The following LSAMP variants were observed in gnomAD, a reference collection of about 807,000 sequenced individuals.
The protein encoded by LSAMP is limbic system associated membrane protein, also known as limbic system-associated membrane protein.
Under a neutral mutation model 38.6 loss-of-function variants are expected in LSAMP, and 7 were observed. That is an observed-to-expected ratio of 0.18 (90% CI 0.10 to 0.34). LSAMP has a LOEUF of 0.34. Ranked by LOEUF, LSAMP falls within the 10% of genes least tolerant of loss-of-function variation. LSAMP has a pLI of 1.00. For synonymous variants in LSAMP, 154 were observed against 166.8 expected (o/e 0.92, Z 0.59); for missense variants, 313 against 420.0 (o/e 0.75, Z 2.23).
intron 1 of LSAMP, among the ~76,000 whole-genome samples, chr3:116,156,905 A>G (rs1054383269): frequency 6.6e-6 from 1 of 152,140 alleles, no homozygotes; most frequent in Admixed American, 6.6e-5. Flanking sequence ...TAGATGCTTA[A>G]TGAGCAGCAC....
At chr3:116,018,760 C>T (rs1327360577) in intron 3 of LSAMP, among the ~76,000 whole-genome samples, 2 of 151,932 alleles carry the variant, frequency 1.3e-5, no homozygotes, top group Non-Finnish European at 2.9e-5. Context: ...AAGCAGGAGG[C>T]CTGGGAACCT....
At chr3:115,985,829 T>C (rs1939495122) in intron 3 of LSAMP, among the ~76,000 whole-genome samples, 1 of 152,190 alleles carries the variant, frequency 6.6e-6, no homozygotes, top group South Asian at 2.1e-4. Flanking sequence ...TCGCAGACTG[T>C]AGCCACAGCT....
At chr3:115,858,340 T>C (rs887472554) in intron 3 of LSAMP, among the ~76,000 whole-genome samples, 1 of 152,078 alleles carries the variant, frequency 6.6e-6, no homozygotes, top group Non-Finnish European at 1.5e-5. Context: ...GAATTAAAAA[T>C]TTTTTTACAG....
intron 1 of LSAMP, among the ~76,000 whole-genome samples, chr3:116,248,312 G>C (rs1559798572): frequency 1.3e-5 from 2 of 152,074 alleles, no homozygotes; most frequent in Non-Finnish European, 2.9e-5. Context: ...AGGAGAAAGG[G>C]AATTTTAGGT....
rs186525512 is a variant in LSAMP at position 116,010,007 on chromosome 3, C to T, written c.514+9508G>A. On this transcript the variant is annotated intron_variant, in intron 3 of 6. Transcript: ENST00000490035. ...TCTTGGCTCACTGGAACCTCCACCT[C>T]CCAGGTTTAAGCAATTTTCTTGCCT... 3.5e-4 allele frequency among the ~76,000 whole-genome samples: 54 copies of T among 152,272 alleles called. No individual in the cohort carries two copies. In the South Asian group the frequency reaches 4.8e-3, roughly 13 times the overall value.
chr3:116,259,152 G>A (rs1456000218), intron 1 of LSAMP, among the ~76,000 whole-genome samples: 1 of 152,128 alleles, frequency 6.6e-6, no homozygotes, highest in African/African-American at 2.4e-5. Flanking sequence ...TGGCTCTGCA[G>A]TCAGCTGTTA....
chr3:116,168,341 AAAG>A (rs1319231935), intron 1 of LSAMP, among the ~76,000 whole-genome samples: 1 of 152,212 alleles, frequency 6.6e-6, no homozygotes, highest in Non-Finnish European at 1.5e-5. Context: ...CCTGAGAATC[AAAG>A]AACATTCATT....
intron 6 of LSAMP, among the ~76,000 whole-genome samples, chr3:115,820,354 A>G (rs1934191300): frequency 6.6e-6 from 1 of 152,316 alleles, no homozygotes; most frequent in Non-Finnish European, 1.5e-5. Flanking sequence ...TATAATAGAG[A>G]AAGGTAAATC....
At chr3:116,346,062 A>C (rs2048059186) in intron 1 of LSAMP, among the ~76,000 whole-genome samples, 1 of 152,176 alleles carries the variant, frequency 6.6e-6, no homozygotes, top group Non-Finnish European at 1.5e-5. Context: ...CTACCAATTA[A>C]AGTGTCTGGG....
At chr3:115,979,505 G>T (rs1188510715) in intron 3 of LSAMP, among the ~76,000 whole-genome samples, 4 of 152,156 alleles carry the variant, frequency 2.6e-5, no homozygotes, top group African/African-American at 9.6e-5. Context: ...GTTGATATGA[G>T]AAAGCATGGC....
intron 3 of LSAMP, among the ~76,000 whole-genome samples, chr3:115,907,379 T>C (rs1284404770): frequency 6.6e-6 from 1 of 151,538 alleles, no homozygotes; most frequent in East Asian, 1.9e-4. Flanking sequence ...AGAGGTAGCT[T>C]GTTTGCCCCA....
chr3:116,004,669 C>G (rs1042141092), intron 3 of LSAMP, among the ~76,000 whole-genome samples: 5 of 151,278 alleles, frequency 3.3e-5, no homozygotes, highest in African/African-American at 9.7e-5. Context: ...TATGTATGTA[C>G]TTTTATACCA....
intron 1 of LSAMP, among the ~76,000 whole-genome samples, chr3:116,151,290 A>G (rs1236833324): frequency 6.6e-6 from 1 of 152,040 alleles, no homozygotes; most frequent in Non-Finnish European, 1.5e-5. Context: ...ATGTATCTCA[A>G]TCTGAGCAGT....
intron 1 of LSAMP, among the ~76,000 whole-genome samples, chr3:116,250,999 C>G (rs947958878): frequency 1.3e-5 from 2 of 152,198 alleles, no homozygotes; most frequent in Non-Finnish European, 2.9e-5. Context: ...AATGGATGAC[C>G]TTAGCTGGAA....
intron 1 of LSAMP, among the ~76,000 whole-genome samples, chr3:116,125,231 A>G (rs1708980796): frequency 1.3e-5 from 2 of 152,208 alleles, no homozygotes; most frequent in East Asian, 1.9e-4. Context: ...TAACAAGAAC[A>G]AAATAAGACT....
intron 1 of LSAMP, among the ~76,000 whole-genome samples, chr3:116,216,054 T>C (rs1052101080): frequency 6.6e-6 from 1 of 152,324 alleles, no homozygotes; most frequent in Non-Finnish European, 1.5e-5. Context: ...TTAAGCAATA[T>C]TTTTAGATGA....
chr3:116,136,786 G>C (rs905827298), intron 1 of LSAMP, among the ~76,000 whole-genome samples: 2 of 152,042 alleles, frequency 1.3e-5, no homozygotes, highest in African/African-American at 4.8e-5. Context: ...AATATATGAA[G>C]TAATGTAAGG....
intron 1 of LSAMP, among the ~76,000 whole-genome samples, chr3:116,122,278 ATG>A (rs1708892959): frequency 6.6e-6 from 1 of 152,228 alleles, no homozygotes; most frequent in South Asian, 2.1e-4. Flanking sequence ...TTATGCATAT[ATG>A]CACATGGAAA....
At chr3:116,166,224 C>T (rs1383973239) in intron 1 of LSAMP, among the ~76,000 whole-genome samples, 2 of 152,200 alleles carry the variant, frequency 1.3e-5, no homozygotes, top group Admixed American at 6.5e-5. Context: ...AATTTATCTC[C>T]TCACAACTGC....
Sources: allele counts gnomAD v4.1 joint callset (sites outside exome capture counted in the v4.1 genomes callset), GRCh38; gene constraint gnomAD v4.1.1; transcripts MANE v1.5; gene names NCBI Gene and HGNC (gene_info 2026-07-23, HGNC 2026-07-21).